The following INPP5F variants were observed in gnomAD, a reference collection of about 807,000 sequenced individuals.
INPP5F encodes phosphatidylinositide 4-phosphatase SAC2.
Under a neutral mutation model 137.2 loss-of-function variants are expected in INPP5F, and 97 were observed. The ratio of observed to expected loss-of-function variants is 0.71; its 90% CI spans 0.60 to 0.84. The LOEUF is 0.84. INPP5F is among the 40% of genes least tolerant of loss of function. The pLI is 0.00. For synonymous variants in INPP5F, 504 were observed against 476.9 expected (o/e 1.06, Z -0.74); for missense variants, 1,271 against 1,371.9 (o/e 0.93, Z 1.16).
At chr10:119,773,183 A>G (rs1241217264) in intron 2 of INPP5F, among the ~76,000 whole-genome samples, 1 of 151,986 alleles carries the variant, frequency 6.6e-6, no homozygotes, top group African/African-American at 2.4e-5. Context: ...CAGCCTCCTG[A>G]GTAGCTGGGA....
intron 15 of INPP5F, chr10:119,819,369 G>A: frequency 2.2e-6 from 3 of 1,344,882 alleles, no homozygotes; most frequent in Non-Finnish European, 2.9e-6. Flanking sequence ...TTTTTGTTAA[G>A]GACATAATGT....
At position 119,781,656 on chromosome 10, in the gene INPP5F, TA is replaced by T; in HGVS notation, c.202del (p.Ile68PhefsTer37). 1.9e-6 allele frequency: 3 copies of T among 1,611,370 alleles called. No individual in the cohort carries two copies. The highest frequency in any genetic ancestry group is 2.5e-6 in the Non-Finnish European group (3 of 1,178,282). ...LHSDLPWWLI[L>X]IRQKALVGKL... ...TCAGATCTTCCATGGTGGCTTATTC[TA>T]ATTCGGCAGAAAGCATTGGTGGGCA... On this transcript the variant is annotated frameshift_variant, in exon 3 of 20. Coordinates refer to ENST00000650623, the MANE Select transcript of INPP5F (RefSeq NM_014937.4). LOFTEE classifies it high-confidence loss of function.
intron 2 of INPP5F, among the ~76,000 whole-genome samples, chr10:119,755,377 G>A (rs964164229): frequency 6.6e-6 from 1 of 152,146 alleles, no homozygotes; most frequent in African/African-American, 2.4e-5. Context: ...GTAACTGTGT[G>A]TGTCTGTCTA....
chr10:119,807,827 G>C, intron 12 of INPP5F, 105 bp from the exon 13 acceptor site: 1 of 1,050,040 alleles, frequency 9.5e-7, no homozygotes, highest in Non-Finnish European at 1.4e-6. Flanking sequence ...TCTTATTTAA[G>C]GGTCCTAAAT....
chr10:119,806,299 G>T lies in INPP5F; in HGVS notation c.1320-61G>T, dbSNP rs1589737083. On this transcript the variant is annotated intron_variant, in intron 11 of 19. Coordinates refer to ENST00000650623, the MANE Select transcript of INPP5F (RefSeq NM_014937.4). Reference sequence around the variant, plus strand: ...TTTTATTGATATACTTTAAAGAATTGTGTCTTTTGAAAACCCTATTATTTT... The same window carrying T: ...TTTTATTGATATACTTTAAAGAATTTTGTCTTTTGAAAACCCTATTATTTT... The T allele has an allele frequency of 1.1e-5, 13 of 1,216,144 alleles. No homozygotes were observed. In the East Asian group the frequency reaches 3.4e-4, roughly 32 times the overall value. The allele number at this position is 1,216,144 out of a possible 1,614,324, so 75.3% of individuals were successfully genotyped here.
At position 119,827,472 on chromosome 10, in the gene INPP5F, G is replaced by A; in HGVS notation, c.3091G>A (p.Ala1031Thr). 1.9e-6 allele frequency: 3 copies of A among 1,614,198 alleles called. No homozygotes were observed. The highest frequency in any genetic ancestry group is 2.7e-5 in the African/African-American group (2 of 75,052). The stretch of plus-strand genomic sequence containing the variant: ...CCCACAGTTTTTGTCAGTTGAGCCA[G>A]CGCATTCAGTTGCATCTCAAAAAAC... ...TGPQFLSVEP[A>T]HSVASQKTPT... The change falls in exon 20 of 20, where the codon GCG (alanine) becomes ACG (threonine). Residue 1031 changes from alanine (A) to threonine (T), a missense_variant. Physicochemically the swap from Ala to Thr is moderately conservative, Grantham distance 58. Around this residue, in one of 6 missense-constraint regions of INPP5F, gnomAD observed 490 missense variants for 443.7 expected, o/e 1.10. Coordinates refer to ENST00000650623, the MANE Select transcript of INPP5F (RefSeq NM_014937.4).
intron 2 of INPP5F, 92 bp downstream of exon 2, chr10:119,751,248 CT>C: frequency 2.5e-6 from 2 of 795,960 alleles, no homozygotes; most frequent in Non-Finnish European, 4.4e-6. Flanking sequence ...TCTCTTATAG[CT>C]TTGATTCCTT....
At chr10:119,746,718 T>C (rs968327369) in intron 1 of INPP5F, among the ~76,000 whole-genome samples, 4 of 151,438 alleles carry the variant, frequency 2.6e-5, no homozygotes, top group African/African-American at 9.7e-5. Flanking sequence ...ATGAAAGATA[T>C]AAAGAAAAAT....
At chr10:119,760,436 G>A (rs1368979955) in intron 2 of INPP5F, among the ~76,000 whole-genome samples, 2 of 152,192 alleles carry the variant, frequency 1.3e-5, no homozygotes, top group African/African-American at 4.8e-5. Flanking sequence ...GGGCAACCTA[G>A]TGAGACCCTG....
At chr10:119,797,364 T>C in intron 7 of INPP5F, 97 bp from the exon 8 acceptor site, 1 of 970,208 alleles carries the variant, frequency 1.0e-6, no homozygotes, top group South Asian at 1.7e-5. Context: ...TCCCCAAGGC[T>C]ATCCTGGAAG....
rs1306252896 is a variant in INPP5F at position 119,828,319 on chromosome 10, T to C, written c.*539T>C. 1.3e-5 allele frequency: 2 copies of C among 152,922 alleles called. No homozygotes were observed. Among genetic ancestry groups the C allele is most frequent in the African/African-American group, 4.8e-5 (2 of 41,448 alleles). The allele number at this position is 152,922 out of a possible 1,614,324, so 9.5% of individuals were successfully genotyped here. On this transcript the variant is annotated 3_prime_UTR_variant, in exon 20 of 20. Coordinates refer to ENST00000650623, the MANE Select transcript of INPP5F (RefSeq NM_014937.4). ...TTGAGGGTTATTGACACTAGAGAAA[T>C]GAATTCTCATTTGATCCTAATTTTC...
At chr10:119,821,434 C>T (rs1851557492) in intron 16 of INPP5F, among the ~76,000 whole-genome samples, 2 of 151,910 alleles carry the variant, frequency 1.3e-5, no homozygotes, top group Non-Finnish European at 2.9e-5. Context: ...TCAGATTGAT[C>T]TCCAGAAAGA....
At chr10:119,728,030 T>G (rs1847941880) in intron 1 of INPP5F, among the ~76,000 whole-genome samples, 1 of 152,248 alleles carries the variant, frequency 6.6e-6, no homozygotes, top group Non-Finnish European at 1.5e-5. Flanking sequence ...TCTTGAACTA[T>G]AAAGGCTAAC....
chr10:119,758,037 A>T (rs1848902084), intron 2 of INPP5F, among the ~76,000 whole-genome samples: 2 of 152,164 alleles, frequency 1.3e-5, no homozygotes, highest in South Asian at 4.1e-4. Context: ...CATGGCCTGT[A>T]CTCAGTGCTG....
chr10:119,793,233 ACATTTGGCAG>A (rs1464205216), intron 6 of INPP5F, among the ~76,000 whole-genome samples: 3 of 152,238 alleles, frequency 2.0e-5, no homozygotes, highest in African/African-American at 7.2e-5. Flanking sequence ...TTCAAAGGTG[ACATTTGGCAG>A]CATAAATTTC....
chr10:119,764,314 C>T (rs145045144), intron 2 of INPP5F, among the ~76,000 whole-genome samples: 44 of 152,218 alleles, frequency 2.9e-4, no homozygotes, highest in Admixed American at 9.8e-4. Context: ...AGTGTATACG[C>T]GCGCATGTGC....
At chr10:119,756,504 C>T (rs1430301442) in intron 2 of INPP5F, among the ~76,000 whole-genome samples, 3 of 151,760 alleles carry the variant, frequency 2.0e-5, no homozygotes, top group South Asian at 4.2e-4. Context: ...GGTGTGGTGG[C>T]GGGCACCTGT....
At chr10:119,760,545 G>C (rs951832290) in intron 2 of INPP5F, among the ~76,000 whole-genome samples, 3 of 152,222 alleles carry the variant, frequency 2.0e-5, no homozygotes, top group African/African-American at 4.8e-5. Context: ...TTCCTCCTTT[G>C]TATTACCTTT....
chr10:119,766,332 C>G (rs1284974364), intron 2 of INPP5F, among the ~76,000 whole-genome samples: 1 of 152,102 alleles, frequency 6.6e-6, no homozygotes, highest in Non-Finnish European at 1.5e-5. Context: ...TCTGGGCATC[C>G]CTTCCCAGTC....
Sources: gnomAD v4.1 joint callset for allele counts (sites outside exome capture counted in the v4.1 genomes callset) on GRCh38, gnomAD v4.1.1 for gene constraint, gnomAD v4.1.1 regional missense constraint, MANE v1.5 for transcripts, NCBI Gene and HGNC (gene_info 2026-07-23, HGNC 2026-07-21) for gene names.